Variants in NELL1 observed in about 807,000 individuals in gnomAD.
The protein encoded by NELL1 is neural EGFL like 1.
Under a neutral mutation model 107.4 loss-of-function variants are expected in NELL1, and 76 were observed. The observed-to-expected ratio is 0.71, with a 90% CI of 0.59 to 0.86. The LOEUF is 0.86. Among genes scored for constraint, NELL1 ranks in the 40% least tolerant of loss-of-function variants. The pLI is 0.00. For missense variants in NELL1, 1,024 were observed against 1,005.5 expected (o/e 1.02, Z -0.25); for synonymous variants, 353 against 341.2 (o/e 1.03, Z -0.38).
rs146790891 is a variant in NELL1 at position 20,803,811 on chromosome 11, A to C, written c.335+19981A>C. On this transcript the variant is annotated intron_variant, in intron 3 of 19. Coordinates refer to ENST00000357134, the MANE Select transcript of NELL1 (RefSeq NM_006157.5). ...TCAGTGGGGTGGCAAAGGCAGACCC[A>C]CCCTTAATCTGGGTGGGCACAGTCT... Among the ~76,000 whole-genome samples the C allele has an allele frequency of 1.7e-3, 257 of 152,174 alleles. 1 individual carries two copies. The highest frequency in any genetic ancestry group is 6.0e-3 in the African/African-American group (248 of 41,512).
intron 16 of NELL1, 29 bp downstream of exon 16, chr11:21,534,543 C>G (rs367586023): frequency 1.4e-4 from 223 of 1,611,112 alleles, no homozygotes; most frequent in Non-Finnish European, 1.9e-4. Flanking sequence ...TGCCCTCCAA[C>G]TGCTTGGACC....
chr11:21,460,303 T>C (rs1321034209), intron 15 of NELL1, among the ~76,000 whole-genome samples: 2 of 152,076 alleles, frequency 1.3e-5, no homozygotes, highest in Non-Finnish European at 2.9e-5. Flanking sequence ...ATATGACTCA[T>C]AATGACTATC....
At chr11:20,881,414 A>G (rs557426618) in intron 4 of NELL1, among the ~76,000 whole-genome samples, 2 of 152,332 alleles carry the variant, frequency 1.3e-5, no homozygotes, top group South Asian at 2.1e-4. Context: ...AAGGTGGTCA[A>G]TAGTACAGAC....
intron 2 of NELL1, among the ~76,000 whole-genome samples, chr11:20,698,769 T>A (rs1203015056): frequency 6.6e-6 from 1 of 152,178 alleles, no homozygotes; most frequent in Non-Finnish European, 1.5e-5. Flanking sequence ...GTACCTAATG[T>A]GTAGCTTTTT....
At chr11:21,444,717 C>G (rs528767938) in intron 15 of NELL1, among the ~76,000 whole-genome samples, 1 of 152,074 alleles carries the variant, frequency 6.6e-6, no homozygotes, top group South Asian at 2.1e-4. Flanking sequence ...AGCATTTATC[C>G]TTTTTGTTAC....
intron 15 of NELL1, among the ~76,000 whole-genome samples, chr11:21,473,613 T>TC (rs1437745585): frequency 6.6e-6 from 1 of 152,032 alleles, no homozygotes; most frequent in African/African-American, 2.4e-5. Flanking sequence ...GAGATAACTG[T>TC]CCCCATAGCT....
intron 12 of NELL1, among the ~76,000 whole-genome samples, chr11:21,107,090 A>G (rs756664897): frequency 7.9e-5 from 12 of 152,218 alleles, no homozygotes; most frequent in Non-Finnish European, 1.8e-4. Flanking sequence ...TCCGTTATCA[A>G]TATCCCTCAC....
chr11:20,867,248 T>C (rs1379197735), intron 4 of NELL1, among the ~76,000 whole-genome samples: 2 of 152,196 alleles, frequency 1.3e-5, no homozygotes, highest in African/African-American at 4.8e-5. Flanking sequence ...CCCTAATTTC[T>C]CAATGGTTTC....
At chr11:21,105,385 C>G (rs186164380) in intron 12 of NELL1, among the ~76,000 whole-genome samples, 3 of 152,224 alleles carry the variant, frequency 2.0e-5, no homozygotes, top group Admixed American at 6.5e-5. Flanking sequence ...ACTGGTTGAA[C>G]CAGATGTGGT....
At chr11:21,119,052 G>A (rs796322643) in intron 13 of NELL1, among the ~76,000 whole-genome samples, 1 of 152,098 alleles carries the variant, frequency 6.6e-6, no homozygotes, top group African/African-American at 2.4e-5. Context: ...GTGCCAAGGG[G>A]TTCATGGTTT....
intron 15 of NELL1, among the ~76,000 whole-genome samples, chr11:21,374,909 GTGTGT>G (rs1217113734): frequency 1.3e-5 from 2 of 151,620 alleles, no homozygotes; most frequent in African/African-American, 4.8e-5. Context: ...GTGTGTGTGT[GTGTGT>G]GTGTGTGTGT....
At chr11:21,152,396 G>T (rs561714580) in intron 13 of NELL1, among the ~76,000 whole-genome samples, 1 of 152,102 alleles carries the variant, frequency 6.6e-6, no homozygotes, top group Non-Finnish European at 1.5e-5. Flanking sequence ...TTAAAATGAG[G>T]TGCATACTAA....
intron 4 of NELL1, among the ~76,000 whole-genome samples, chr11:20,855,189 T>C (rs1296462640): frequency 6.6e-6 from 1 of 152,122 alleles, no homozygotes; most frequent in African/African-American, 2.4e-5. Flanking sequence ...TTTTTTTTTT[T>C]TTCTGGTGGG....
At position 21,061,736 on chromosome 11, in the gene NELL1, G is replaced by A. The variant is rs75587724; in HGVS notation, c.1301-51853G>A. On this transcript the variant is annotated intron_variant, in intron 12 of 19. Coordinates refer to ENST00000357134, the MANE Select transcript of NELL1 (RefSeq NM_006157.5). Reference sequence around the variant, plus strand: ...GGATTTTGCTGTCGGTGGTAGAGAAGCAAAAGTCCATTTTTGCTTCTCCTC... The same window carrying A: ...GGATTTTGCTGTCGGTGGTAGAGAAACAAAAGTCCATTTTTGCTTCTCCTC... Among the ~76,000 whole-genome samples, 11 of 152,250 alleles carry A rather than the reference G, an allele frequency of 7.2e-5. No homozygotes were observed. The East Asian group carries it at 2.1e-3, about 29-fold the overall frequency.
intron 15 of NELL1, among the ~76,000 whole-genome samples, chr11:21,399,905 A>G (rs1220299869): frequency 1.3e-5 from 2 of 151,822 alleles, no homozygotes; most frequent in African/African-American, 2.4e-5. Context: ...AGAAAATAAC[A>G]TTACTGACAC....
intron 4 of NELL1, among the ~76,000 whole-genome samples, chr11:20,860,679 T>G (rs1478046524): frequency 6.6e-6 from 1 of 152,230 alleles, no homozygotes; most frequent in Non-Finnish European, 1.5e-5. Context: ...AGTATTGTTC[T>G]CTTTCTCAGG....
chr11:20,830,917 A>G (rs1223498201), intron 3 of NELL1, among the ~76,000 whole-genome samples: 4 of 151,956 alleles, frequency 2.6e-5, no homozygotes, highest in African/African-American at 9.7e-5. Flanking sequence ...ACCCCCCAAC[A>G]CCACCACACT....
intron 15 of NELL1, among the ~76,000 whole-genome samples, chr11:21,389,333 G>T (rs1851815675): frequency 6.6e-6 from 1 of 151,810 alleles, no homozygotes; most frequent in African/African-American, 2.4e-5. Flanking sequence ...CTGCATTGTT[G>T]AAAGTATTCC....
At chr11:21,204,299 T>C (rs1857340092) in intron 13 of NELL1, among the ~76,000 whole-genome samples, 1 of 152,102 alleles carries the variant, frequency 6.6e-6, no homozygotes, top group African/African-American at 2.4e-5. Flanking sequence ...TTGGAGGCTT[T>C]ATTCGTTCCT....
Sources: gnomAD v4.1 joint callset for allele counts (sites outside exome capture counted in the v4.1 genomes callset) on GRCh38, gnomAD v4.1.1 for gene constraint, MANE v1.5 for transcripts, NCBI Gene and HGNC (gene_info 2026-07-23, HGNC 2026-07-21) for gene names.